TM4SF19: variants seen among roughly 807,000 people sequenced by gnomAD.
TM4SF19 encodes transmembrane 4 L six family member 19.
TM4SF19 carries 17 observed loss-of-function variants against 21.8 expected under a neutral mutation model. The observed-to-expected ratio is 0.78, with a 90% confidence interval of 0.53 to 1.17. TM4SF19 has a LOEUF of 1.17. Ranked by LOEUF, TM4SF19 falls within the 50% of genes most tolerant of loss-of-function variation. TM4SF19 has a pLI of 0.00. For missense variants in TM4SF19, 216 were observed against 252.1 expected, an observed-to-expected ratio of 0.86 and a Z score of 0.97; for synonymous variants, 107 against 106.7, an observed-to-expected ratio of 1.00 and a Z score of -0.02.
chr3:196,334,167 T>C (rs1727629848), intron 1 of TM4SF19, among the ~76,000 whole-genome samples: 1 of 152,220 alleles, frequency 6.6e-6, no homozygotes, highest in Non-Finnish European at 1.5e-5. Flanking sequence ...ATATCAAACA[T>C]ACGTCATTAC....
At chr3:196,334,002 A>G (rs1327370800) in intron 1 of TM4SF19, among the ~76,000 whole-genome samples, 1 of 152,158 alleles carries the variant, frequency 6.6e-6, no homozygotes, top group Non-Finnish European at 1.5e-5. Flanking sequence ...CAGAGGTTGC[A>G]GTGAGCCAAG....
chr3:196,332,610 C>T (rs772678290), intron 1 of TM4SF19, among the ~76,000 whole-genome samples: 32 of 150,892 alleles, frequency 2.1e-4, no homozygotes, highest in Admixed American at 2.0e-3. Context: ...TATGTGTGTA[C>T]GTACACACAC....
intron 1 of TM4SF19, among the ~76,000 whole-genome samples, chr3:196,336,780 G>T (rs571669598): frequency 6.6e-6 from 1 of 152,222 alleles, no homozygotes; most frequent in East Asian, 1.9e-4. Context: ...TCCTAGCTAG[G>T]TGAGCACGTC....
chr3:196,326,677 T>C (rs959062281), intron 3 of TM4SF19, among the ~76,000 whole-genome samples: 2 of 152,098 alleles, frequency 1.3e-5, no homozygotes, highest in Non-Finnish European at 2.9e-5. Flanking sequence ...AGAGTAACAG[T>C]TTCTCACACT....
At chr3:196,335,939 T>G (rs66522650) in intron 1 of TM4SF19, among the ~76,000 whole-genome samples, 8,890 of 151,972 alleles carry the variant, frequency 0.058, 353 homozygotes, top group Middle Eastern at 0.12. Flanking sequence ...GGGTGTGTGG[T>G]TGGCCTTTCA....
chr3:196,334,357 GA>G (rs1245487008), intron 1 of TM4SF19, among the ~76,000 whole-genome samples: 1 of 151,766 alleles, frequency 6.6e-6, no homozygotes, highest in African/African-American at 2.4e-5. Context: ...CATTTTTCAA[GA>G]CTGTAGCTTT....
At chr3:196,328,555 T>C (rs1727395288) in intron 1 of TM4SF19, among the ~76,000 whole-genome samples, 2 of 152,178 alleles carry the variant, frequency 1.3e-5, no homozygotes, top group Non-Finnish European at 1.5e-5. Context: ...AAGACCTATA[T>C]AGTAAGAATT....
chr3:196,326,888 GC>G, intron 3 of TM4SF19, 66 bp downstream of exon 3: 2 of 1,429,224 alleles, frequency 1.4e-6, no homozygotes, highest in Admixed American at 3.5e-5. Flanking sequence ...CCTCTTTACC[GC>G]CCTGCCTCTA....
intron 4 of TM4SF19, 72 bp downstream of exon 4, chr3:196,324,199 C>T (rs1216043503): frequency 1.3e-6 from 2 of 1,552,746 alleles, no homozygotes; most frequent in Admixed American, 1.8e-5. Flanking sequence ...GCTTGTAGTT[C>T]GTCTGTGTGT....
chr3:196,326,389 AGTGTGT>A (rs10604679), intron 3 of TM4SF19, among the ~76,000 whole-genome samples: 28,058 of 150,270 alleles, frequency 0.19, 2,687 homozygotes, highest in South Asian at 0.31. Flanking sequence ...TCTGAGAACG[AGTGTGT>A]GTGTGTGTGT....
At chr3:196,326,447 AGTT>A (rs1171419456) in intron 3 of TM4SF19, among the ~76,000 whole-genome samples, 2 of 152,002 alleles carry the variant, frequency 1.3e-5, no homozygotes, top group African/African-American at 4.8e-5. Flanking sequence ...AGATCTTTCA[AGTT>A]TATACAGTTG....
At chr3:196,336,621 AATT>A (rs1727772612) in intron 1 of TM4SF19, among the ~76,000 whole-genome samples, 1 of 152,236 alleles carries the variant, frequency 6.6e-6, no homozygotes, top group Non-Finnish European at 1.5e-5. Flanking sequence ...TTCCCCTAGA[AATT>A]ATAACATTTG....
chr3:196,327,068 C>A, intron 2 of TM4SF19, 36 bp from the exon 3 acceptor site: 1 of 1,557,462 alleles, frequency 6.4e-7, no homozygotes, highest in South Asian at 1.1e-5. Flanking sequence ...ATGGGGAAAT[C>A]GACTTTGCCG....
intron 1 of TM4SF19, among the ~76,000 whole-genome samples, chr3:196,328,131 C>T (rs1727372956): frequency 6.6e-6 from 1 of 152,074 alleles, no homozygotes; most frequent in South Asian, 2.1e-4. Flanking sequence ...GAAACCCCGT[C>T]TCTACTAAAA....
intron 1 of TM4SF19, among the ~76,000 whole-genome samples, chr3:196,330,175 A>G (rs956921813): frequency 1.3e-5 from 2 of 151,844 alleles, no homozygotes; most frequent in Non-Finnish European, 2.9e-5. Context: ...ATGCAGTCTC[A>G]CTATGTTACC....
chr3:196,329,013 A>G (rs1258383974), intron 1 of TM4SF19, among the ~76,000 whole-genome samples: 3 of 150,488 alleles, frequency 2.0e-5, no homozygotes, highest in Non-Finnish European at 4.4e-5. Flanking sequence ...GCGCGATCTC[A>G]GCTCACTGCA....
At position 196,323,613 on chromosome 3, in the gene TM4SF19, T is replaced by C; in HGVS notation, c.*204A>G. 4.3e-6 allele frequency: 4 copies of C among 935,856 alleles called. No homozygotes were observed. The South Asian group carries it at 7.0e-5, about 16-fold the overall frequency. The allele number at this position is 935,856 out of a possible 1,614,324, so 58.0% of individuals were successfully genotyped here. A position where few individuals can be genotyped will look rare whatever the true frequency, so the allele number is the denominator to read the frequency against. Reference sequence around the variant, plus strand: ...ATTATAATAACTTAGTTATTTATCCTATCCATGGATCACCTGGAAGTTTAC... The same window carrying C: ...ATTATAATAACTTAGTTATTTATCCCATCCATGGATCACCTGGAAGTTTAC... On this transcript the variant is annotated 3_prime_UTR_variant, in exon 5 of 5. Coordinates refer to ENST00000273695, the MANE Select transcript of TM4SF19 (RefSeq NM_138461.4).
At chr3:196,338,044 C>T (rs1398933500) in intron 1 of TM4SF19, among the ~76,000 whole-genome samples, 1 of 152,140 alleles carries the variant, frequency 6.6e-6, no homozygotes, top group Admixed American at 6.5e-5. Flanking sequence ...GCTGCCCATG[C>T]CCAAACTTGA....
intron 4 of TM4SF19, 134 bp from the exon 5 acceptor site, chr3:196,324,131 C>T (rs1727185888): frequency 7.0e-7 from 1 of 1,436,074 alleles, no homozygotes; most frequent in Non-Finnish European, 9.7e-7. Context: ...GTTACTGCTC[C>T]ATTTGCAATT....
Sources: gnomAD v4.1 joint callset for allele counts (sites outside exome capture counted in the v4.1 genomes callset) on GRCh38, gnomAD v4.1.1 for gene constraint, MANE v1.5 for transcripts, NCBI Gene and HGNC (gene_info 2026-07-23, HGNC 2026-07-21) for gene names.